Variants in FOXP1 observed in about 807,000 individuals in gnomAD.
FOXP1 encodes forkhead box P1.
FOXP1 carries 15 observed loss-of-function variants against 98.2 expected under a neutral mutation model. The observed-to-expected ratio is 0.15, with a 90% CI of 0.10 to 0.24. The LOEUF (loss-of-function observed/expected upper bound fraction) is 0.24, where lower values mean the gene tolerates loss of function less well. FOXP1 is among the 10% of genes least tolerant of loss of function. The probability of loss-of-function intolerance (pLI) is 1.00; values close to 1 mark genes in which losing one functional copy is unlikely to be tolerated. For synonymous variants in FOXP1, 371 were observed against 314.5 expected, an observed-to-expected ratio of 1.18 and a Z score of -1.90; for missense variants, 633 against 848.5, an observed-to-expected ratio of 0.75 and a Z score of 3.15.
intron 5 of FOXP1, among the ~76,000 whole-genome samples, chr3:71,259,047 A>G (rs1373991800): frequency 6.6e-6 from 1 of 152,246 alleles, no homozygotes; most frequent in Non-Finnish European, 1.5e-5. Flanking sequence ...CAGGAGGCGG[A>G]GGCAGGAGAA....
chr3:71,183,778 T>G (rs1444723710), intron 6 of FOXP1, among the ~76,000 whole-genome samples: 1 of 152,076 alleles, frequency 6.6e-6, no homozygotes, highest in East Asian at 1.9e-4. Context: ...GAGCTAGAAA[T>G]AGATATGCAA....
At chr3:71,420,159 C>T (rs996199414) in intron 3 of FOXP1, among the ~76,000 whole-genome samples, 3 of 152,060 alleles carry the variant, frequency 2.0e-5, no homozygotes, top group Non-Finnish European at 4.4e-5. Context: ...TTTCCATTTA[C>T]AGCCAAATTC....
At chr3:71,293,114 T>C (rs2072931279) in intron 5 of FOXP1, among the ~76,000 whole-genome samples, 1 of 152,186 alleles carries the variant, frequency 6.6e-6, no homozygotes, top group Non-Finnish European at 1.5e-5. Context: ...TTTATAATAT[T>C]TTGTTTTTGT....
rs200731003 is a variant in FOXP1, at chr3:71,169,780, T to TG, written c.180+28421dup. 4.1e-3 allele frequency among the ~76,000 whole-genome samples: 582 copies of TG among 141,658 alleles called. 2 individuals carry two copies. The highest frequency in any genetic ancestry group is 0.015 in the African/African-American group (547 of 36,766). 92.9% of individuals were successfully genotyped at this position (141,658 alleles called of 152,430 possible). A position where few individuals can be genotyped will look rare whatever the true frequency, so the allele number is the denominator to read the frequency against. ...CCTTAATTACTGGCTAAAAAATTAC[T>TG]GGCAAAAAAAAAAAAAAAAGATTTT... On this transcript the variant is annotated intron_variant, in intron 6 of 20. Transcript: ENST00000649528.
chr3:71,214,085 G>A (rs12492363), intron 5 of FOXP1, among the ~76,000 whole-genome samples: 47,904 of 152,152 alleles, frequency 0.31, 8,643 homozygotes, highest in Non-Finnish European at 0.4. Flanking sequence ...GTGATAAAGC[G>A]TACTTAGGTG....
intron 2 of FOXP1, among the ~76,000 whole-genome samples, chr3:71,545,513 G>A (rs1304705094): frequency 6.6e-6 from 1 of 152,112 alleles, no homozygotes; most frequent in African/African-American, 2.4e-5. Context: ...GGTTTTGTTT[G>A]TTTTTAAAAA....
chr3:71,431,492 T>C (rs754478239), intron 3 of FOXP1, among the ~76,000 whole-genome samples: 2 of 152,082 alleles, frequency 1.3e-5, no homozygotes, highest in Non-Finnish European at 2.9e-5. Flanking sequence ...TTACCATGAC[T>C]TTTGCCCAAT....
At chr3:71,083,634 C>T (rs779790127) in intron 7 of FOXP1, among the ~76,000 whole-genome samples, 3 of 152,186 alleles carry the variant, frequency 2.0e-5, no homozygotes, top group Non-Finnish European at 4.4e-5. Flanking sequence ...CAGGGACTCT[C>T]AGAAGCCCTC....
chr3:71,371,116 C>G (rs1053467742), intron 3 of FOXP1, among the ~76,000 whole-genome samples: 2 of 152,132 alleles, frequency 1.3e-5, no homozygotes, highest in African/African-American at 4.8e-5. Context: ...ACTATGGCTA[C>G]AGTGAGGCCA....
intron 19 of FOXP1, chr3:70,969,555 A>G (rs1383579286): frequency 6.6e-6 from 1 of 152,208 alleles, no homozygotes; most frequent in East Asian, 1.9e-4. Context: ...TGTTTAATGC[A>G]GAGCAAGACC....
chr3:71,338,055 C>T (rs1009350642), intron 4 of FOXP1, among the ~76,000 whole-genome samples: 1 of 152,042 alleles, frequency 6.6e-6, no homozygotes, highest in Non-Finnish European at 1.5e-5. Context: ...TGAAGAGATT[C>T]GAAAGAGGTG....
intron 8 of FOXP1, 118 bp from the exon 9 acceptor site, chr3:71,052,744 A>C: frequency 2.7e-6 from 2 of 729,440 alleles, no homozygotes; most frequent in Admixed American, 2.0e-5. Flanking sequence ...TAATGGCCTG[A>C]CCTTTAGTTT....
chr3:71,255,375 G>C (rs917911817), intron 5 of FOXP1, among the ~76,000 whole-genome samples: 1 of 151,976 alleles, frequency 6.6e-6, no homozygotes, highest in Admixed American at 6.6e-5. Flanking sequence ...TTGGGGTGGG[G>C]GAGAGTTAAG....
chr3:70,992,595 T>C (rs2040771523), intron 13 of FOXP1, among the ~76,000 whole-genome samples: 1 of 152,176 alleles, frequency 6.6e-6, no homozygotes, highest in South Asian at 2.1e-4. Flanking sequence ...CGCATTCAGG[T>C]GGTGGGCAAT....
intron 4 of FOXP1, among the ~76,000 whole-genome samples, chr3:71,305,317 A>T (rs2074186900): frequency 6.6e-6 from 1 of 152,182 alleles, no homozygotes; most frequent in Non-Finnish European, 1.5e-5. Flanking sequence ...CGTGGGGCCA[A>T]GAGGCTGTCA....
chr3:71,482,248 C>T (rs2090331149), intron 3 of FOXP1, among the ~76,000 whole-genome samples: 2 of 152,062 alleles, frequency 1.3e-5, no homozygotes, highest in Admixed American at 1.3e-4. Context: ...TTTCCTTAAG[C>T]TTCTCACATT....
intron 3 of FOXP1, among the ~76,000 whole-genome samples, chr3:71,390,299 G>C (rs1395532017): frequency 2.0e-5 from 3 of 152,116 alleles, no homozygotes; most frequent in East Asian, 1.9e-4. Context: ...AAATCACCCA[G>C]ACAAAAGAAA....
intron 5 of FOXP1, among the ~76,000 whole-genome samples, chr3:71,228,653 T>C (rs890701998): frequency 7.9e-5 from 12 of 152,184 alleles, no homozygotes; most frequent in African/African-American, 2.7e-4. Context: ...CTGATTTATG[T>C]TGTCATTTCC....
chr3:71,184,230 T>A (rs1297888807), intron 6 of FOXP1, among the ~76,000 whole-genome samples: 1 of 152,194 alleles, frequency 6.6e-6, no homozygotes, highest in African/African-American at 2.4e-5. Flanking sequence ...CTGACTGCCA[T>A]AGAGCCACTC....
Sources: gnomAD v4.1 joint callset for allele counts (sites outside exome capture counted in the v4.1 genomes callset) on GRCh38, gnomAD v4.1.1 for gene constraint, MANE v1.5 for transcripts, NCBI Gene and HGNC (gene_info 2026-07-23, HGNC 2026-07-21) for gene names.